The following ARHGAP28 variants were observed in gnomAD, a reference collection of about 807,000 sequenced individuals.
ARHGAP28 encodes rho GTPase-activating protein 28.
Under a neutral mutation model 90.7 loss-of-function variants are expected in ARHGAP28, and 56 were observed. That is an observed-to-expected ratio of 0.62 (90% CI 0.50 to 0.77). The LOEUF is 0.77. ARHGAP28 is among the 30% of genes least tolerant of loss of function. The probability of loss-of-function intolerance (pLI) is 0.00; values close to 1 mark genes in which losing one functional copy is unlikely to be tolerated. For missense variants in ARHGAP28, 869 were observed against 900.9 expected (o/e 0.96, Z 0.45); for synonymous variants, 308 against 323.3 (o/e 0.95, Z 0.51).
chr18:6,802,332 G>GTTTT (rs1199862937), intron 1 of ARHGAP28, among the ~76,000 whole-genome samples: 2 of 77,990 alleles, frequency 2.6e-5, no homozygotes, highest in African/African-American at 4.4e-5. Context: ...TCATATGGTA[G>GTTTT]TTCTTTTTTT....
intron 16 of ARHGAP28, among the ~76,000 whole-genome samples, 169 bp from the exon 17 acceptor site, chr18:6,908,791 T>A (rs940428679): frequency 2.6e-5 from 4 of 152,196 alleles, no homozygotes; most frequent in Admixed American, 6.5e-5. Flanking sequence ...CTTGTCTGTG[T>A]CAGACGGAAA....
At chr18:6,775,615 A>G (rs998395836) in intron 1 of ARHGAP28, among the ~76,000 whole-genome samples, 5 of 152,160 alleles carry the variant, frequency 3.3e-5, no homozygotes, top group Non-Finnish European at 7.3e-5. Flanking sequence ...CATTCGCTGG[A>G]TGTGTTCATT....
At chr18:6,814,121 G>A (rs1457023439) in intron 1 of ARHGAP28, among the ~76,000 whole-genome samples, 4 of 152,132 alleles carry the variant, frequency 2.6e-5, no homozygotes, top group East Asian at 3.9e-4. Flanking sequence ...AGAAGAATAA[G>A]GAAGGTTGAT....
chr18:6,882,051 G>T lies in ARHGAP28; in HGVS notation c.1291-86G>T, dbSNP rs537067008. 4.2e-5 allele frequency: 56 copies of T among 1,331,550 alleles called. No homozygotes were observed. The African/African-American group carries it at 7.8e-4, about 18-fold the overall frequency. 82.5% of individuals were successfully genotyped at this position (1,331,550 alleles called of 1,614,324 possible). ...CCTTACCAGTCTGTTTACAAAAACA[G>T]TTTATATAAGAACAGTTTTCGAAGG... On this transcript the variant is annotated intron_variant, in intron 10 of 17. Transcript: ENST00000383472.
At chr18:6,780,894 C>CAAA (rs56272373) in intron 1 of ARHGAP28, among the ~76,000 whole-genome samples, 3 of 102,454 alleles carry the variant, frequency 2.9e-5, no homozygotes, top group African/African-American at 1.1e-4. Flanking sequence ...ACTCCGTCTC[C>CAAA]AAAAAAAAAA....
intron 1 of ARHGAP28, among the ~76,000 whole-genome samples, chr18:6,763,262 T>C (rs959809319): frequency 1.3e-5 from 2 of 152,054 alleles, no homozygotes; most frequent in Non-Finnish European, 2.9e-5. Context: ...TTGGTATTTT[T>C]AGTAAAGATG....
chr18:6,912,159 T>A lies in ARHGAP28; in HGVS notation c.*5T>A, dbSNP rs202176281. 1.3e-5 allele frequency: 20 copies of A among 1,537,536 alleles called. No individual in the cohort carries two copies. The Admixed American group carries it at 3.4e-4, about 26-fold the overall frequency. ...AAACCCCAACAAAGTTCTTAAAATATCCTCGAGAGAGCTGCTATCATGTAT... is the reference window on the plus strand; with the variant it reads ...AAACCCCAACAAAGTTCTTAAAATAACCTCGAGAGAGCTGCTATCATGTAT... On this transcript the variant is annotated 3_prime_UTR_variant, in exon 18 of 18. Coordinates refer to ENST00000383472, the MANE Select transcript of ARHGAP28 (RefSeq NM_001366230.1).
rs890667876 is a variant in ARHGAP28, at chr18:6,792,918, G to A, written c.123-31844G>A. ...TCCAGCCTACTTACAAATGAAATCT[G>A]TTCCCTAAAGCTACTTCCAGTATGA... On this transcript the variant is annotated intron_variant, in intron 1 of 17. Coordinates refer to ENST00000383472, the MANE Select transcript of ARHGAP28 (RefSeq NM_001366230.1). Among the ~76,000 whole-genome samples the A allele has an allele frequency of 2.6e-5, 4 of 152,246 alleles. No homozygotes were observed. The South Asian group carries it at 8.3e-4, about 32-fold the overall frequency.
rs1194841632 is a variant in ARHGAP28 at position 6,902,480 on chromosome 18, A to G, written c.2030+5854A>G. Among the ~76,000 whole-genome samples, 7 of 152,322 alleles carry G rather than the reference A, an allele frequency of 4.6e-5. No homozygotes were observed. The East Asian group carries it at 1.4e-3, about 29-fold the overall frequency. ...CTTTTCAATGCTAGAATAATTTCAG[A>G]GTAAAATAGGTAAAATTTAGTTATG... On this transcript the variant is annotated intron_variant, in intron 16 of 17. Transcript: ENST00000383472.
intron 3 of ARHGAP28, among the ~76,000 whole-genome samples, chr18:6,848,258 A>G (rs890657190): frequency 3.9e-5 from 6 of 152,146 alleles, no homozygotes; most frequent in Admixed American, 2.6e-4. Context: ...CAGCCCTGCT[A>G]TGGTACTCTT....
At position 6,855,334 on chromosome 18, in the gene ARHGAP28, A is replaced by C. The variant is rs1486461493; in HGVS notation, c.636+4208A>C. Among the ~76,000 whole-genome samples, 6 of 152,202 alleles carry C rather than the reference A, an allele frequency of 3.9e-5. No homozygotes were observed. In the East Asian group the frequency reaches 1.2e-3, roughly 30 times the overall value. On this transcript the variant is annotated intron_variant, in intron 4 of 17. Coordinates refer to ENST00000383472, the MANE Select transcript of ARHGAP28 (RefSeq NM_001366230.1). ...GCCGCTCATGGACCAATCAGCATGCACTTCCTCCCTTCTGAGCCCATAAAA... is the reference window on the plus strand; with the variant it reads ...GCCGCTCATGGACCAATCAGCATGCCCTTCCTCCCTTCTGAGCCCATAAAA...
chr18:6,854,519 C>G (rs527976089), intron 4 of ARHGAP28, among the ~76,000 whole-genome samples: 41 of 152,206 alleles, frequency 2.7e-4, no homozygotes, highest in Admixed American at 7.2e-4. Context: ...CTCCCCATTC[C>G]CACCTTTCAA....
At chr18:6,881,903 A>G (rs530528864) in intron 10 of ARHGAP28, among the ~76,000 whole-genome samples, 2 of 152,360 alleles carry the variant, frequency 1.3e-5, no homozygotes, top group South Asian at 4.1e-4. Flanking sequence ...GTGTAGAATT[A>G]GAAAATTATT....
intron 1 of ARHGAP28, among the ~76,000 whole-genome samples, chr18:6,811,173 G>A (rs2056553446): frequency 6.6e-6 from 1 of 152,154 alleles, no homozygotes; most frequent in Non-Finnish European, 1.5e-5. Flanking sequence ...GCCATTTGAA[G>A]GATATTCCTG....
chr18:6,799,542 C>G (rs1237255358), intron 1 of ARHGAP28, among the ~76,000 whole-genome samples: 2 of 152,082 alleles, frequency 1.3e-5, no homozygotes, highest in African/African-American at 2.4e-5. Context: ...ATATATAGAC[C>G]AAAGGAACAG....
At chr18:6,854,108 A>T (rs989452155) in intron 4 of ARHGAP28, among the ~76,000 whole-genome samples, 12 of 152,022 alleles carry the variant, frequency 7.9e-5, no homozygotes, top group South Asian at 6.2e-4. Context: ...CGGGGGGGTT[A>T]TATTAGGAAC....
At chr18:6,890,697 A>G (rs906243243) in intron 14 of ARHGAP28, among the ~76,000 whole-genome samples, 154 bp downstream of exon 14, 32 of 152,220 alleles carry the variant, frequency 2.1e-4, no homozygotes. Context: ...AAGTGGGTCC[A>G]TAACAGAGTA....
intron 1 of ARHGAP28, 91 bp downstream of exon 1, chr18:6,730,034 C>A: frequency 8.3e-7 from 1 of 1,200,578 alleles, no homozygotes; most frequent in Non-Finnish European, 1.1e-6. Flanking sequence ...AGCGCACGAC[C>A]GCCGTCACTG....
At chr18:6,762,816 T>C (rs1249335474) in intron 1 of ARHGAP28, among the ~76,000 whole-genome samples, 1 of 152,038 alleles carries the variant, frequency 6.6e-6, no homozygotes, top group African/African-American at 2.4e-5. Flanking sequence ...TCTTAGACTT[T>C]TAATTTCCAG....
Sources: allele counts gnomAD v4.1 joint callset (sites outside exome capture counted in the v4.1 genomes callset), GRCh38; gene constraint gnomAD v4.1.1; transcripts MANE v1.5; gene names NCBI Gene and HGNC (gene_info 2026-07-23, HGNC 2026-07-21).